Variants in SCFD2 observed in about 807,000 individuals in gnomAD.
The protein encoded by SCFD2 is sec1 family domain containing 2, also known as sec1 family domain-containing protein 2.
In SCFD2, 54 loss-of-function variants were observed where a neutral mutation model predicts 58.9. The ratio of observed to expected loss-of-function variants is 0.92; its 90% CI spans 0.74 to 1.15. The LOEUF (loss-of-function observed/expected upper bound fraction) is 1.15. Among genes scored for constraint, SCFD2 ranks in the 50% most tolerant of loss-of-function variants. The pLI is 0.00. For missense variants in SCFD2, 805 were observed against 836.6 expected (o/e 0.96, Z 0.47); for synonymous variants, 321 against 335.9 (o/e 0.96, Z 0.49).
chr4:52,884,779 G>T (rs1718696312), intron 8 of SCFD2, among the ~76,000 whole-genome samples: 1 of 152,128 alleles, frequency 6.6e-6, no homozygotes, highest in African/African-American at 2.4e-5. Flanking sequence ...CTCTCTCCTT[G>T]GGCTCCTGCT....
At chr4:53,190,691 T>C (rs1323460599) in intron 4 of SCFD2, among the ~76,000 whole-genome samples, 1 of 152,246 alleles carries the variant, frequency 6.6e-6, no homozygotes, top group East Asian at 1.9e-4. Context: ...GTCTGTTTTT[T>C]GTTCTCTGTT....
intron 4 of SCFD2, among the ~76,000 whole-genome samples, chr4:53,232,585 G>A (rs916034060): frequency 6.6e-6 from 1 of 152,104 alleles, no homozygotes; most frequent in Non-Finnish European, 1.5e-5. Context: ...AATTACTCTA[G>A]AAGAAATAGT....
intron 5 of SCFD2, among the ~76,000 whole-genome samples, chr4:52,974,262 T>G (rs1001713100): frequency 6.6e-6 from 1 of 152,192 alleles, no homozygotes; most frequent in Non-Finnish European, 1.5e-5. Context: ...ATTGTATATC[T>G]AGAAAACCCC....
At chr4:53,275,724 T>A (rs1168330994) in intron 3 of SCFD2, among the ~76,000 whole-genome samples, 1 of 152,162 alleles carries the variant, frequency 6.6e-6, no homozygotes, top group Non-Finnish European at 1.5e-5. Context: ...GTTTATCTGA[T>A]TTCCATCTCA....
intron 5 of SCFD2, among the ~76,000 whole-genome samples, chr4:53,089,037 C>T (rs1724395875): frequency 6.6e-6 from 1 of 152,100 alleles, no homozygotes; most frequent in Admixed American, 6.6e-5. Context: ...CTTAGCAAGA[C>T]ACTATCTGTG....
chr4:52,886,293 TCA>T (rs1373811446), intron 7 of SCFD2, among the ~76,000 whole-genome samples: 1 of 152,138 alleles, frequency 6.6e-6, no homozygotes, highest in Non-Finnish European at 1.5e-5. Flanking sequence ...CTGGACTCAG[TCA>T]CACACAGAGA....
intron 5 of SCFD2, among the ~76,000 whole-genome samples, chr4:53,101,198 T>A (rs980340524): frequency 1.3e-5 from 2 of 152,154 alleles, no homozygotes; most frequent in African/African-American, 4.8e-5. Context: ...GCTTTATGGA[T>A]CTGCAACAGG....
At chr4:53,302,007 C>T (rs1046189138) in intron 3 of SCFD2, among the ~76,000 whole-genome samples, 4 of 152,114 alleles carry the variant, frequency 2.6e-5, no homozygotes, top group African/African-American at 9.7e-5. Flanking sequence ...ACTGAATAGG[C>T]AAAAACTGGA....
At chr4:53,331,064 C>A (rs1577974833) in intron 2 of SCFD2, among the ~76,000 whole-genome samples, 1 of 151,746 alleles carries the variant, frequency 6.6e-6, no homozygotes, top group South Asian at 2.1e-4. Flanking sequence ...AATATATATG[C>A]ACCCAATACA....
At chr4:52,899,960 C>T (rs1434289303) in intron 7 of SCFD2, among the ~76,000 whole-genome samples, 1 of 152,224 alleles carries the variant, frequency 6.6e-6, no homozygotes, top group Non-Finnish European at 1.5e-5. Flanking sequence ...TAGGCTTGTG[C>T]ATTCGTCACG....
intron 5 of SCFD2, among the ~76,000 whole-genome samples, chr4:53,123,011 A>G (rs1725525134): frequency 6.6e-6 from 1 of 152,206 alleles, no homozygotes. Context: ...GAATATACGT[A>G]CAATTCCTGT....
chr4:53,165,262 G>A (rs1158763390), intron 4 of SCFD2, among the ~76,000 whole-genome samples: 3 of 152,222 alleles, frequency 2.0e-5, no homozygotes, highest in Admixed American at 1.3e-4. Flanking sequence ...GAGTGGGTTT[G>A]TGTACGTGTG....
intron 4 of SCFD2, among the ~76,000 whole-genome samples, chr4:53,193,421 T>A (rs1215608390): frequency 1.3e-5 from 2 of 152,158 alleles, no homozygotes. Context: ...AAAAATAATT[T>A]AAGAAGTACT....
chr4:53,295,155 G>C (rs1731981656), intron 3 of SCFD2, among the ~76,000 whole-genome samples: 1 of 151,664 alleles, frequency 6.6e-6, no homozygotes, highest in African/African-American at 2.4e-5. Flanking sequence ...ATTTAAATTA[G>C]TTTTTTTTCC....
At chr4:53,115,003 T>C (rs373062496) in intron 5 of SCFD2, among the ~76,000 whole-genome samples, 1 of 152,044 alleles carries the variant, frequency 6.6e-6, no homozygotes, top group Non-Finnish European at 1.5e-5. Context: ...GCAAACACGA[T>C]GTTTTTAAAA....
chr4:53,346,938 T>G (rs1400117906), intron 2 of SCFD2, among the ~76,000 whole-genome samples: 2 of 152,190 alleles, frequency 1.3e-5, no homozygotes, highest in Non-Finnish European at 2.9e-5. Flanking sequence ...AACAAATAAC[T>G]TTCACATGAT....
intron 2 of SCFD2, among the ~76,000 whole-genome samples, chr4:53,322,101 G>A (rs1733042154): frequency 6.6e-6 from 1 of 152,130 alleles, no homozygotes; most frequent in Non-Finnish European, 1.5e-5. Flanking sequence ...AATAAGGACT[G>A]GGTAAAATAA....
At chr4:52,947,968 C>CAAAA (rs34494471) in intron 5 of SCFD2, among the ~76,000 whole-genome samples, 7 of 35,198 alleles carry the variant, frequency 2.0e-4, no homozygotes, top group Non-Finnish European at 2.9e-4. Flanking sequence ...AAAAATAGGC[C>CAAAA]AAAAAAAAAA....
At chr4:52,973,600 G>A (rs1447869161) in intron 5 of SCFD2, among the ~76,000 whole-genome samples, 2 of 152,190 alleles carry the variant, frequency 1.3e-5, no homozygotes, top group Middle Eastern at 3.2e-3. Context: ...ACAAGGAGGA[G>A]CTGGTACCAT....
Sources: allele counts gnomAD v4.1 joint callset (sites outside exome capture counted in the v4.1 genomes callset), GRCh38; gene constraint gnomAD v4.1.1; transcripts MANE v1.5; gene names NCBI Gene and HGNC (gene_info 2026-07-23, HGNC 2026-07-21).